The following LRBA variants were observed in gnomAD, a reference collection of about 807,000 sequenced individuals.
LRBA encodes LPS responsive beige-like anchor protein, also known as lipopolysaccharide-responsive and beige-like anchor protein.
In LRBA, 176 loss-of-function variants were observed where a neutral mutation model predicts 330.0. The ratio of observed to expected loss-of-function variants is 0.53; its 90% confidence interval spans 0.47 to 0.60. The LOEUF is 0.60. Ranked by LOEUF, LRBA falls within the 20% of genes least tolerant of loss-of-function variation. The probability of loss-of-function intolerance (pLI) is 0.00; values close to 1 mark genes in which losing one functional copy is unlikely to be tolerated. For synonymous variants in LRBA, 1,230 were observed against 1,193.0 expected (o/e 1.03, Z -0.64); for missense variants, 3,259 against 3,444.8 (o/e 0.95, Z 1.35).
At chr4:150,745,636 C>T (rs1282798910) in intron 35 of LRBA, among the ~76,000 whole-genome samples, 1 of 152,118 alleles carries the variant, frequency 6.6e-6, no homozygotes, top group Non-Finnish European at 1.5e-5. Context: ...CTGCCTCAGC[C>T]TCCTGAGTAG....
chr4:150,870,412 A>G lies in LRBA; in HGVS notation c.2449+113T>C. 1.3e-5 allele frequency: 9 copies of G among 704,842 alleles called. No individual in the cohort carries two copies. The South Asian group carries it at 1.4e-4, about 11-fold the overall frequency. 43.7% of individuals were successfully genotyped at this position (704,842 alleles called of 1,614,324 possible). A position where few individuals can be genotyped will look rare whatever the true frequency, so the allele number is the denominator to read the frequency against. On this transcript the variant is annotated intron_variant, in intron 20 of 56. Coordinates refer to ENST00000651943, the MANE Select transcript of LRBA (RefSeq NM_001364905.1). ...AACTAGTATAATATCATCACCCTTA[A>G]TGAAACATTCATCTAACAATCTGTT...
At chr4:150,342,166 C>T (rs1024879056) in intron 48 of LRBA, among the ~76,000 whole-genome samples, 1 of 151,634 alleles carries the variant, frequency 6.6e-6, no homozygotes, top group East Asian at 1.9e-4. Flanking sequence ...TTGGGTTTTA[C>T]GTTTTTCAAA....
rs1758066449 is a variant in LRBA, at chr4:150,487,808, G to A, written c.6475C>T (p.Pro2159Ser). The change falls in exon 42 of 57, where the codon CCT (proline) becomes TCT (serine). Residue 2159 changes from proline (P) to serine (S), a missense_variant. Pro to Ser is a moderately conservative substitution (Grantham distance 74). Coordinates refer to ENST00000651943, the MANE Select transcript of LRBA (RefSeq NM_001364905.1). The stretch of plus-strand genomic sequence containing the variant: ...TTAACCACTTTCTTTACTGTTGCAG[G>A]GTCTGGGAAGTTGAACATCACAGCA... ...RVAVMFNFPDPATVKKVVNYL... is the reference protein window; with the variant it reads ...RVAVMFNFPDSATVKKVVNYL... The A allele has an allele frequency of 2.5e-6, 4 of 1,590,646 alleles. No homozygotes were observed. The highest frequency in any genetic ancestry group is 3.4e-6 in the Non-Finnish European group (4 of 1,163,756).
At chr4:150,736,551 C>T (rs966363399) in intron 35 of LRBA, among the ~76,000 whole-genome samples, 2 of 151,670 alleles carry the variant, frequency 1.3e-5, no homozygotes, top group Admixed American at 6.6e-5. Flanking sequence ...TAGACTGAAA[C>T]ATAGTAAGAA....
chr4:150,531,200 T>A (rs1285434145), intron 40 of LRBA, among the ~76,000 whole-genome samples: 1 of 152,258 alleles, frequency 6.6e-6, no homozygotes, highest in Non-Finnish European at 1.5e-5. Flanking sequence ...TAATATTTTC[T>A]AAATGAATAA....
At chr4:150,434,467 AATT>A (rs1469626994) in intron 46 of LRBA, among the ~76,000 whole-genome samples, 1 of 152,162 alleles carries the variant, frequency 6.6e-6, no homozygotes, top group East Asian at 1.9e-4. Context: ...GGCAAAACAC[AATT>A]ATTTCAAGAA....
At chr4:150,605,552 T>C (rs781281413) in intron 37 of LRBA, among the ~76,000 whole-genome samples, 3 of 152,192 alleles carry the variant, frequency 2.0e-5, no homozygotes, top group Non-Finnish European at 4.4e-5. Flanking sequence ...TATTTCCATA[T>C]TTTTAGATTA....
At chr4:150,894,368 A>C (rs1729828803) in intron 16 of LRBA, among the ~76,000 whole-genome samples, 1 of 152,208 alleles carries the variant, frequency 6.6e-6, no homozygotes, top group Non-Finnish European at 1.5e-5. Context: ...GATAACCAAT[A>C]AATGTTTACT....
chr4:150,763,300 G>A (rs1218987527), intron 34 of LRBA, among the ~76,000 whole-genome samples: 1 of 151,710 alleles, frequency 6.6e-6, no homozygotes, highest in African/African-American at 2.4e-5. Context: ...TACATCTGCA[G>A]GTCTTAGATA....
At chr4:150,342,296 A>G (rs951609958) in intron 48 of LRBA, among the ~76,000 whole-genome samples, 1 of 151,670 alleles carries the variant, frequency 6.6e-6, no homozygotes, top group Non-Finnish European at 1.5e-5. Flanking sequence ...CCTTATCTAT[A>G]AAAGAATATA....
chr4:150,851,245 A>G (rs187768754), intron 23 of LRBA, among the ~76,000 whole-genome samples: 6 of 152,346 alleles, frequency 3.9e-5, no homozygotes, highest in African/African-American at 1.4e-4. Context: ...TCTAAGTGGC[A>G]TTTGGATTAT....
At chr4:150,663,021 T>G (rs1438842650) in intron 37 of LRBA, among the ~76,000 whole-genome samples, 2 of 152,010 alleles carry the variant, frequency 1.3e-5, no homozygotes, top group African/African-American at 2.4e-5. Context: ...TAAAAGGGGT[T>G]AGATCAGTAG....
At chr4:150,552,541 T>A (rs1463133493) in intron 40 of LRBA, among the ~76,000 whole-genome samples, 1 of 152,134 alleles carries the variant, frequency 6.6e-6, no homozygotes, top group East Asian at 1.9e-4. Flanking sequence ...ACTTTTACAC[T>A]GTTGGTGGGA....
At chr4:150,679,452 C>T (rs1218710120) in intron 37 of LRBA, 1 of 152,150 alleles carries the variant, frequency 6.6e-6, no homozygotes, top group Non-Finnish European at 1.5e-5. Context: ...CCAATCAATA[C>T]AGAGGCATAC....
At chr4:150,693,393 C>G (rs1784314634) in intron 36 of LRBA, among the ~76,000 whole-genome samples, 1 of 151,068 alleles carries the variant, frequency 6.6e-6, no homozygotes, top group Admixed American at 6.6e-5. Context: ...GAAACCCCGT[C>G]TCTACTAAAA....
intron 46 of LRBA, among the ~76,000 whole-genome samples, chr4:150,419,553 T>G (rs1040927734): frequency 1.4e-4 from 22 of 152,052 alleles, no homozygotes; most frequent in Admixed American, 3.9e-4. Flanking sequence ...GGATATTTCT[T>G]GTACACTTGA....
At chr4:150,855,460 T>C (rs553971804) in intron 22 of LRBA, among the ~76,000 whole-genome samples, 3 of 152,322 alleles carry the variant, frequency 2.0e-5, no homozygotes, top group Admixed American at 2.0e-4. Flanking sequence ...ATCATTTGCT[T>C]TGATTTTATT....
chr4:150,607,846 C>T (rs1308971664), intron 37 of LRBA, among the ~76,000 whole-genome samples: 2 of 151,972 alleles, frequency 1.3e-5, no homozygotes, highest in Non-Finnish European at 2.9e-5. Flanking sequence ...ACCAGCCTGG[C>T]CAACGTGGTG....
chr4:150,496,354 A>G (rs900902474), intron 40 of LRBA, among the ~76,000 whole-genome samples: 1 of 152,094 alleles, frequency 6.6e-6, no homozygotes, highest in Admixed American at 6.5e-5. Context: ...TGTCCTCATG[A>G]AAGAACAAAA....
Sources: allele counts gnomAD v4.1 joint callset (sites outside exome capture counted in the v4.1 genomes callset), GRCh38; gene constraint gnomAD v4.1.1; transcripts MANE v1.5; gene names NCBI Gene and HGNC (gene_info 2026-07-23, HGNC 2026-07-21).